TENM3: variants seen among roughly 807,000 people sequenced by gnomAD.
The protein encoded by TENM3 is teneurin-3.
TENM3 carries 63 observed loss-of-function variants against 255.1 expected under a neutral mutation model. The observed-to-expected ratio is 0.25, with a 90% CI of 0.20 to 0.30. TENM3 has a LOEUF of 0.30. TENM3 is among the 10% of genes least tolerant of loss of function. TENM3 has a pLI of 1.00. For missense variants in TENM3, 2,929 were observed against 3,461.1 expected, an observed-to-expected ratio of 0.85 and a Z score of 3.86; for synonymous variants, 1,306 against 1,322.3, an observed-to-expected ratio of 0.99 and a Z score of 0.27.
the TENM3 span, among the ~76,000 whole-genome samples, chr4:181,463,842 G>A: frequency 6.6e-6 from 1 of 152,164 alleles, no homozygotes; most frequent in South Asian, 2.1e-4. Context: ...GCAGCTATAA[G>A]TCTACTTTCA....
the TENM3 span, among the ~76,000 whole-genome samples, chr4:181,611,526 C>T: frequency 1.3e-5 from 2 of 152,076 alleles, no homozygotes; most frequent in Non-Finnish European, 1.5e-5. Flanking sequence ...TCAAGATTTA[C>T]GGATAGAATG....
the TENM3 span, among the ~76,000 whole-genome samples, chr4:181,508,240 A>G: frequency 6.6e-6 from 1 of 152,204 alleles, no homozygotes; most frequent in Non-Finnish European, 1.5e-5. Flanking sequence ...GCCATGTTTC[A>G]GTGCTGTGCA....
the TENM3 span, among the ~76,000 whole-genome samples, chr4:181,846,799 T>C: frequency 2.0e-5 from 3 of 152,166 alleles, no homozygotes; most frequent in Non-Finnish European, 4.4e-5. Flanking sequence ...AAATCGTGCA[T>C]TTGGAGCCCA....
At chr4:181,679,071 G>A in the TENM3 span, among the ~76,000 whole-genome samples, 1 of 152,066 alleles carries the variant, frequency 6.6e-6, no homozygotes, top group Non-Finnish European at 1.5e-5. Flanking sequence ...AGACAAGATT[G>A]AAAACCTATC....
intron 1 of TENM3, among the ~76,000 whole-genome samples, chr4:182,306,966 A>C (rs1435583374): frequency 6.6e-6 from 1 of 152,228 alleles, no homozygotes; most frequent in Non-Finnish European, 1.5e-5. Context: ...ACATGACCCC[A>C]AAGTCTCATT....
intron 3 of TENM3, among the ~76,000 whole-genome samples, chr4:182,388,111 C>T (rs563158799): frequency 2.6e-5 from 4 of 152,186 alleles, no homozygotes; most frequent in Admixed American, 2.6e-4. Context: ...TATTTTCAAC[C>T]ATCTGGGCAT....
rs111871620 is a variant in TENM3 at position 182,283,315 on chromosome 4, C to T, written c.-76+39839C>T. 4.1e-3 allele frequency among the ~76,000 whole-genome samples: 631 copies of T among 152,198 alleles called. 4 individuals are homozygous for T. The highest frequency in any genetic ancestry group is 0.014 in the African/African-American group (590 of 41,522). On this transcript the variant is annotated intron_variant, in intron 1 of 27. Transcript: ENST00000511685. The stretch of plus-strand genomic sequence containing the variant: ...AGATGGTGGTAATAAAAACGGGGGC[C>T]TTTGTTTACCCAGATCATATGTCCC...
the TENM3 span, among the ~76,000 whole-genome samples, chr4:181,543,763 G>A: frequency 6.6e-6 from 1 of 152,152 alleles, no homozygotes; most frequent in African/African-American, 2.4e-5. Context: ...TTCGTATTAG[G>A]CTGATGAAGC....
At chr4:182,605,513 C>T (rs1223739088) in intron 4 of TENM3, among the ~76,000 whole-genome samples, 1 of 147,428 alleles carries the variant, frequency 6.8e-6, no homozygotes, top group Admixed American at 6.7e-5. Context: ...GGAAAGTCAA[C>T]TTAAATTATA....
the TENM3 span, among the ~76,000 whole-genome samples, chr4:181,851,969 C>A: frequency 6.6e-6 from 1 of 152,180 alleles, no homozygotes; most frequent in South Asian, 2.1e-4. Context: ...ACTTGCCTAC[C>A]TGTTGAGCAG....
At chr4:181,607,206 A>G in the TENM3 span, among the ~76,000 whole-genome samples, 8 of 152,078 alleles carry the variant, frequency 5.3e-5, no homozygotes, top group African/African-American at 1.7e-4. Context: ...ATTCCTGCAC[A>G]TATACTATCA....
the TENM3 span, among the ~76,000 whole-genome samples, chr4:182,136,868 TTAAA>T: frequency 6.6e-6 from 1 of 152,222 alleles, no homozygotes; most frequent in African/African-American, 2.4e-5. Flanking sequence ...CTAAGATTTC[TTAAA>T]TATTTTTCAA....
At chr4:182,462,264 C>T (rs1198465337) in intron 3 of TENM3, among the ~76,000 whole-genome samples, 1 of 151,924 alleles carries the variant, frequency 6.6e-6, no homozygotes, top group Non-Finnish European at 1.5e-5. Context: ...CGCTACGTTG[C>T]CCAAGGCTGG....
chr4:182,585,440 A>G (rs1745920060), intron 3 of TENM3, among the ~76,000 whole-genome samples: 1 of 152,184 alleles, frequency 6.6e-6, no homozygotes, highest in Non-Finnish European at 1.5e-5. Context: ...CGAGGTCATC[A>G]GGGTGTAGCC....
intron 1 of TENM3, among the ~76,000 whole-genome samples, chr4:182,188,107 A>G (rs935689554): frequency 7.9e-5 from 12 of 152,272 alleles, no homozygotes; most frequent in Admixed American, 6.5e-5. Flanking sequence ...GATAAGATAC[A>G]ACCAAATGCA....
the TENM3 span, among the ~76,000 whole-genome samples, chr4:181,982,409 A>G: frequency 6.6e-6 from 1 of 152,210 alleles, no homozygotes; most frequent in Non-Finnish European, 1.5e-5. Flanking sequence ...TACAGTATTG[A>G]AAATGAAGGT....
At chr4:181,769,422 A>T in the TENM3 span, among the ~76,000 whole-genome samples, 1 of 152,222 alleles carries the variant, frequency 6.6e-6, no homozygotes, top group Non-Finnish European at 1.5e-5. Context: ...TCACTGGGTA[A>T]GCCTCAGTGT....
At chr4:182,109,214 T>C in the TENM3 span, among the ~76,000 whole-genome samples, 2 of 144,528 alleles carry the variant, frequency 1.4e-5, no homozygotes, top group African/African-American at 2.5e-5. Context: ...TATATATTTA[T>C]ATATATTATC....
At chr4:181,663,793 T>G in the TENM3 span, among the ~76,000 whole-genome samples, 1 of 152,172 alleles carries the variant, frequency 6.6e-6, no homozygotes, top group African/African-American at 2.4e-5. Context: ...CCTGAGTTAG[T>G]GACTGACAGC....
Sources: gnomAD v4.1 joint callset for allele counts (sites outside exome capture counted in the v4.1 genomes callset) on GRCh38, gnomAD v4.1.1 for gene constraint, MANE v1.5 for transcripts, NCBI Gene and HGNC (gene_info 2026-07-23, HGNC 2026-07-21) for gene names.